CTNNA2: variants seen among roughly 807,000 people sequenced by gnomAD.
CTNNA2 encodes the protein catenin alpha-2.
A neutral mutation model predicts 101.0 loss-of-function variants in CTNNA2; 42 were observed. That is an observed-to-expected ratio of 0.42 (90% CI 0.32 to 0.54). CTNNA2 has a LOEUF of 0.54. Ranked by LOEUF, CTNNA2 falls within the 20% of genes least tolerant of loss-of-function variation. The probability of loss-of-function intolerance (pLI) is 0.14; values close to 1 mark genes in which losing one functional copy is unlikely to be tolerated. For synonymous variants in CTNNA2, 450 were observed against 456.4 expected, an observed-to-expected ratio of 0.99 and a Z score of 0.18; for missense variants, 871 against 1,223.1, an observed-to-expected ratio of 0.71 and a Z score of 4.29.
chr2:80,262,948 A>G (rs902563910), intron 7 of CTNNA2, among the ~76,000 whole-genome samples: 1 of 151,954 alleles, frequency 6.6e-6, no homozygotes, highest in African/African-American at 2.4e-5. Context: ...ATTGACAAAA[A>G]TAATAAAAAC....
chr2:80,142,911 T>C (rs1703100594), intron 7 of CTNNA2, among the ~76,000 whole-genome samples: 1 of 145,484 alleles, frequency 6.9e-6, no homozygotes, highest in Non-Finnish European at 1.5e-5. Context: ...TTAACTACCG[T>C]TGACAATGCC....
At chr2:79,542,531 A>G (rs1673487596) in intron 1 of CTNNA2, among the ~76,000 whole-genome samples, 1 of 152,164 alleles carries the variant, frequency 6.6e-6, no homozygotes, top group South Asian at 2.1e-4. Context: ...CCAGATTTGA[A>G]TCTCAGCTTC....
chr2:80,298,884 G>C (rs1675995197), intron 7 of CTNNA2: 1 of 152,204 alleles, frequency 6.6e-6, no homozygotes. Context: ...ATCAGGGACT[G>C]CCTATTTTTT....
chr2:79,446,094 T>C (rs781711016), intron 4 of CTNNA2, among the ~76,000 whole-genome samples: 4 of 152,102 alleles, frequency 2.6e-5, no homozygotes, highest in Non-Finnish European at 4.4e-5. Flanking sequence ...TGACAGGGTG[T>C]AATTGGATAA....
chr2:79,529,797 C>G (rs970027135), intron 1 of CTNNA2, among the ~76,000 whole-genome samples: 1 of 151,888 alleles, frequency 6.6e-6, no homozygotes, highest in African/African-American at 2.4e-5. Context: ...AAGATCAAAT[C>G]TTGCATCTGT....
chr2:79,209,638 C>T (rs1182322370), intron 2 of CTNNA2, among the ~76,000 whole-genome samples: 1 of 152,158 alleles, frequency 6.6e-6, no homozygotes, highest in East Asian at 1.9e-4. Flanking sequence ...ACCAGAAATA[C>T]TTTCCTGTGT....
At chr2:80,357,227 G>A (rs993710207) in intron 7 of CTNNA2, among the ~76,000 whole-genome samples, 9 of 135,470 alleles carry the variant, frequency 6.6e-5, no homozygotes, top group Non-Finnish European at 1.3e-4. Context: ...ATTCAAAATA[G>A]CATTTTTTTT....
chr2:80,173,845 T>A (rs1169005303), intron 7 of CTNNA2, among the ~76,000 whole-genome samples: 2 of 152,102 alleles, frequency 1.3e-5, no homozygotes, highest in African/African-American at 2.4e-5. Context: ...TGGATGCCCC[T>A]ACAGTATACC....
At chr2:79,962,633 C>T (rs1689722933) in intron 7 of CTNNA2, among the ~76,000 whole-genome samples, 1 of 152,090 alleles carries the variant, frequency 6.6e-6, no homozygotes, top group Non-Finnish European at 1.5e-5. Flanking sequence ...ACCAACTGTG[C>T]TGGAGAGGTT....
chr2:80,343,023 T>C (rs914053459), intron 7 of CTNNA2, among the ~76,000 whole-genome samples: 24 of 152,206 alleles, frequency 1.6e-4, no homozygotes, highest in African/African-American at 5.8e-4. Flanking sequence ...GAGTGATCTT[T>C]CTATGTGTGT....
intron 7 of CTNNA2, among the ~76,000 whole-genome samples, chr2:79,924,699 G>A (rs906477269): frequency 6.6e-6 from 1 of 152,128 alleles, no homozygotes; most frequent in Non-Finnish European, 1.5e-5. Flanking sequence ...ATTATTCAAA[G>A]TGAGTTGAGA....
intron 1 of CTNNA2, among the ~76,000 whole-genome samples, chr2:79,615,740 T>C (rs1025643018): frequency 6.6e-6 from 1 of 152,218 alleles, no homozygotes; most frequent in African/African-American, 2.4e-5. Flanking sequence ...CCTCTGGCCA[T>C]GTGCCTTCCT....
intron 7 of CTNNA2, among the ~76,000 whole-genome samples, chr2:80,307,382 C>T (rs1386262982): frequency 6.6e-6 from 1 of 151,888 alleles, no homozygotes; most frequent in Non-Finnish European, 1.5e-5. Context: ...AATCGAGAAA[C>T]GACAACTTTT....
chr2:79,512,568 C>G (rs895450101), upstream of CTNNA2, among the ~76,000 whole-genome samples: 2 of 151,676 alleles, frequency 1.3e-5, no homozygotes, highest in African/African-American at 4.8e-5. Flanking sequence ...CCCCTATCCC[C>G]CCCGCCCCTA....
chr2:80,528,937 G>T (rs780608334), intron 9 of CTNNA2, among the ~76,000 whole-genome samples: 1 of 152,100 alleles, frequency 6.6e-6, no homozygotes, highest in Non-Finnish European at 1.5e-5. Flanking sequence ...GTGACATAGG[G>T]GTTATGTAAA....
intron 7 of CTNNA2, among the ~76,000 whole-genome samples, chr2:80,056,381 G>A (rs1697214518): frequency 3.3e-5 from 5 of 152,124 alleles, no homozygotes; most frequent in Admixed American, 3.3e-4. Flanking sequence ...CTTTATTCTG[G>A]GTGACCTTGT....
intron 3 of CTNNA2, among the ~76,000 whole-genome samples, chr2:79,786,852 AT>A (rs1228110519): frequency 7.2e-5 from 11 of 152,262 alleles, no homozygotes; most frequent in Admixed American, 5.2e-4. Flanking sequence ...AAATACAATC[AT>A]TCCTGCCTCT....
rs1328323453 is a variant in CTNNA2, at chr2:79,651,613, C to G, written c.57C>G (p.Ile19Met). ...AATGGGACCCCAAAAGTTTGGAAAT[C>G]CGGACGCTAACAGTGGAAAGGCTGT... The part of the protein sequence containing the change: ...ILKWDPKSLE[I>M]RTLTVERLLE... Residue 19 changes from isoleucine to methionine, a missense_variant, in exon 2 of 19, where the codon ATC becomes ATG. Ile to Met is a conservative substitution (Grantham distance 10, BLOSUM62 1). Around this residue, in one of 5 missense-constraint regions of CTNNA2, gnomAD observed 647 missense variants for 831.5 expected, o/e 0.78. Transcript: ENST00000402739. 3 of 1,613,830 alleles carry G rather than the reference C, an allele frequency of 1.9e-6. No individual in the cohort carries two copies. Among genetic ancestry groups the G allele is most frequent in the Non-Finnish European group, 2.5e-6 (3 of 1,179,828 alleles).
At chr2:79,343,096 T>C (rs1280335087) in intron 3 of CTNNA2, among the ~76,000 whole-genome samples, 1 of 152,196 alleles carries the variant, frequency 6.6e-6, no homozygotes, top group African/African-American at 2.4e-5. Flanking sequence ...AGGTTATTCA[T>C]TATAGAATGT....
Sources: gnomAD v4.1 joint callset for allele counts (sites outside exome capture counted in the v4.1 genomes callset) on GRCh38, gnomAD v4.1.1 for gene constraint, gnomAD v4.1.1 regional missense constraint, MANE v1.5 for transcripts, NCBI Gene and HGNC (gene_info 2026-07-23, HGNC 2026-07-21) for gene names.